The following TMEM135 variants were observed in gnomAD, a reference collection of about 807,000 sequenced individuals.
The protein encoded by TMEM135 is transmembrane protein 135, also known as peroxisomal membrane protein 52.
Under a neutral mutation model 60.3 loss-of-function variants are expected in TMEM135, and 30 were observed. The ratio of observed to expected loss-of-function variants is 0.50; its 90% CI spans 0.37 to 0.68. The LOEUF is 0.68. TMEM135 is among the 30% of genes least tolerant of loss of function. The pLI is 0.00. For missense variants in TMEM135, 468 were observed against 548.8 expected, an observed-to-expected ratio of 0.85 and a Z score of 1.47; for synonymous variants, 190 against 186.7, an observed-to-expected ratio of 1.02 and a Z score of -0.14.
chr11:87,059,916 C>T (rs979847757), intron 1 of TMEM135, among the ~76,000 whole-genome samples: 3 of 152,144 alleles, frequency 2.0e-5, no homozygotes, highest in African/African-American at 7.2e-5. Flanking sequence ...GAGTTCGAGA[C>T]CAGCCTGCAT....
intron 4 of TMEM135, among the ~76,000 whole-genome samples, chr11:87,108,501 C>T (rs1235959739): frequency 7.2e-6 from 1 of 138,174 alleles, no homozygotes; most frequent in African/African-American, 2.5e-5. Flanking sequence ...AAAAAACTCT[C>T]AGTTTTGTTG....
At chr11:87,265,712 A>G (rs763701888) in intron 6 of TMEM135, among the ~76,000 whole-genome samples, 2 of 152,122 alleles carry the variant, frequency 1.3e-5, no homozygotes, top group African/African-American at 4.8e-5. Context: ...GGTGGCTTGT[A>G]TAGGATGCCA....
At chr11:87,069,670 A>G (rs1227357572) in intron 2 of TMEM135, among the ~76,000 whole-genome samples, 1 of 152,180 alleles carries the variant, frequency 6.6e-6, no homozygotes, top group Admixed American at 6.5e-5. Context: ...AACTTAGAAT[A>G]TATTTAAGGT....
At chr11:87,067,624 C>A in intron 1 of TMEM135, 70 bp from the exon 2 acceptor site, 1 of 1,590,346 alleles carries the variant, frequency 6.3e-7, no homozygotes. Context: ...TATACAGTAG[C>A]TTCCACATAT....
At chr11:87,182,471 T>G (rs1294037478) in intron 5 of TMEM135, among the ~76,000 whole-genome samples, 1 of 152,140 alleles carries the variant, frequency 6.6e-6, no homozygotes, top group African/African-American at 2.4e-5. Flanking sequence ...TGGTAGATGA[T>G]GAGAAATATG....
intron 5 of TMEM135, among the ~76,000 whole-genome samples, chr11:87,181,457 A>G (rs1939513490): frequency 2.6e-5 from 4 of 152,344 alleles, no homozygotes; most frequent in South Asian, 2.1e-4. Flanking sequence ...AGACACATTT[A>G]CAGATTCATA....
chr11:87,103,485 TTTTTTTTTG>T (rs1449304757), intron 4 of TMEM135, among the ~76,000 whole-genome samples: 57 of 84,870 alleles, frequency 6.7e-4, no homozygotes, highest in Admixed American at 9.7e-4. Context: ...TTTTTTGTTT[TTTTTTTTTG>T]TTTGTTTTTT....
At chr11:87,153,789 TCTAAA>T (rs1412566459) in intron 4 of TMEM135, among the ~76,000 whole-genome samples, 1 of 152,208 alleles carries the variant, frequency 6.6e-6, no homozygotes, top group African/African-American at 2.4e-5. Flanking sequence ...TTCGATAAAT[TCTAAA>T]CTAACCAATC....
intron 6 of TMEM135, among the ~76,000 whole-genome samples, chr11:87,253,524 T>C (rs902168481): frequency 2.0e-5 from 3 of 151,772 alleles, no homozygotes; most frequent in African/African-American, 7.3e-5. Flanking sequence ...TAATATGTTA[T>C]TCATTGCTGA....
rs150131281 is a variant in TMEM135, at chr11:87,170,198, A to G, written c.462+12792A>G. Reference sequence around the variant, plus strand: ...TTAGCAATTCCTCTAACCTTTTTTCATGGTTTTTAGCTTCCTTGCATTGGG... The same window carrying G: ...TTAGCAATTCCTCTAACCTTTTTTCGTGGTTTTTAGCTTCCTTGCATTGGG... On this transcript the variant is annotated intron_variant, in intron 5 of 14. Coordinates refer to ENST00000305494, the MANE Select transcript of TMEM135 (RefSeq NM_022918.4). 9.2e-5 allele frequency among the ~76,000 whole-genome samples: 14 copies of G among 151,700 alleles called. No individual in the cohort carries two copies. The East Asian group carries it at 2.7e-3, about 30-fold the overall frequency.
chr11:87,072,333 TTTGAGTAA>T (rs1856787257), intron 3 of TMEM135, among the ~76,000 whole-genome samples: 1 of 152,254 alleles, frequency 6.6e-6, no homozygotes, highest in South Asian at 2.1e-4. Flanking sequence ...CTTCAGGCTC[TTTGAGTAA>T]TTGAGTAATT....
At chr11:87,204,097 G>A (rs142050498) in intron 5 of TMEM135, among the ~76,000 whole-genome samples, 69 of 150,758 alleles carry the variant, frequency 4.6e-4, no homozygotes, top group African/African-American at 1.3e-3. Flanking sequence ...CTTTTGGCTC[G>A]TTTACTTTCA....
chr11:87,143,921 T>C (rs992820076), intron 4 of TMEM135, among the ~76,000 whole-genome samples: 1 of 152,216 alleles, frequency 6.6e-6, no homozygotes, highest in Non-Finnish European at 1.5e-5. Flanking sequence ...TCTTACATTA[T>C]ACAGTAGCAG....
In TMEM135 at chr11:87,322,320, A is replaced by G. The variant is rs1290932737; in HGVS notation, c.*987A>G. ...TGTAATGGATGTTTTGCACCTGAAA[A>G]CACTATAAAAATCCAGTGGTTGTTT... On this transcript the variant is annotated 3_prime_UTR_variant, in exon 15 of 15. Coordinates refer to ENST00000305494, the MANE Select transcript of TMEM135 (RefSeq NM_022918.4). The G allele has an allele frequency of 8.8e-6, 4 of 453,902 alleles. No individual in the cohort carries two copies. The highest frequency in any genetic ancestry group is 2.0e-5 in the African/African-American group (1 of 49,980). The allele number at this position is 453,902 out of a possible 1,614,324, so 28.1% of individuals were successfully genotyped here.
intron 5 of TMEM135, among the ~76,000 whole-genome samples, chr11:87,224,316 T>G (rs1274641759): frequency 1.3e-5 from 2 of 152,184 alleles, no homozygotes; most frequent in Non-Finnish European, 2.9e-5. Context: ...ACCTTGTAGT[T>G]TAGTGAAGTA....
chr11:87,300,332 A>G (rs957649202), intron 7 of TMEM135, among the ~76,000 whole-genome samples: 5 of 152,242 alleles, frequency 3.3e-5, no homozygotes, highest in African/African-American at 1.2e-4. Context: ...TGTCAAGAAC[A>G]CAACCACGGG....
At chr11:87,067,142 T>C (rs1464620541) in intron 1 of TMEM135, among the ~76,000 whole-genome samples, 7 of 147,498 alleles carry the variant, frequency 4.7e-5, no homozygotes, top group East Asian at 1.9e-4. Context: ...AGGCCAGAAA[T>C]CATTATTTTT....
rs1942911755 is a variant in TMEM135 at position 87,326,279 on chromosome 11, GA to G, written c.*4947del. The G allele has an allele frequency of 6.6e-6, 3 of 454,030 alleles. No individual in the cohort carries two copies. The allele number at this position is 454,030 out of a possible 1,614,324, so 28.1% of individuals were successfully genotyped here. On this transcript the variant is annotated 3_prime_UTR_variant, in exon 15 of 15. Coordinates refer to ENST00000305494, the MANE Select transcript of TMEM135 (RefSeq NM_022918.4). ...TAGACTCAGCATCCCTTTCTGTCTT[GA>G]GAGATTCAGGCTTCCATAAAGTAGA...
At chr11:87,168,413 A>T (rs550363715) in intron 5 of TMEM135, among the ~76,000 whole-genome samples, 1 of 151,988 alleles carries the variant, frequency 6.6e-6, no homozygotes, top group East Asian at 1.9e-4. Flanking sequence ...TTGATTTTAG[A>T]TCTTTCCCAC....
Sources: allele counts gnomAD v4.1 joint callset (sites outside exome capture counted in the v4.1 genomes callset), GRCh38; gene constraint gnomAD v4.1.1; transcripts MANE v1.5; gene names NCBI Gene and HGNC (gene_info 2026-07-23, HGNC 2026-07-21).